SI: variants seen among roughly 807,000 people sequenced by gnomAD.
The protein encoded by SI is sucrase-isomaltase, intestinal.
In SI, 235 loss-of-function variants were observed where a neutral mutation model predicts 253.3. The observed-to-expected ratio is 0.93, with a 90% CI of 0.83 to 1.03. The LOEUF (loss-of-function observed/expected upper bound fraction) is 1.03, where lower values mean the gene tolerates loss of function less well. Ranked by LOEUF, SI falls within the 50% of genes least tolerant of loss-of-function variation. The pLI is 0.00. For missense variants in SI, 2,442 were observed against 2,211.1 expected (o/e 1.10, Z -2.09); for synonymous variants, 819 against 712.0 (o/e 1.15, Z -2.39).
Position 165,040,986 on chromosome 3 carries a change from T to C in SI, c.2113A>G (p.Lys705Glu). 6.2e-7 allele frequency: 1 copy of C among 1,612,514 alleles called. No homozygotes were observed. The highest frequency in any genetic ancestry group is 8.5e-7 in the Non-Finnish European group (1 of 1,178,876). ...LLPFLYTLFY[K>E]AHVFGETVAR... ...ACTGTTTCTCCAAACACATGGGCTT[T>C]ATAAAACAGAGTGTAGAGGAAGGGT... Residue 705 changes from lysine (K) to glutamate (E), a missense_variant, in exon 18 of 48, where the codon AAA (lysine) becomes GAA (glutamate). Transcript: ENST00000264382.
chr3:165,021,646 C>G (rs1191112003), intron 26 of SI, among the ~76,000 whole-genome samples: 1 of 151,362 alleles, frequency 6.6e-6, no homozygotes, highest in African/African-American at 2.4e-5. Flanking sequence ...GAAATCAAAA[C>G]AAAAATTTTA....
rs1718663553 is a variant in SI, at chr3:165,009,378, T to C, written c.4080A>G (p.Val1360=). ...DEAVNASRAH[V]AFPDFFRTST... is the part of the protein sequence containing the mutation. Reference sequence around the variant, plus strand: ...AAGTCCTGAAGAAATCTGGGAAAGCTACATGAGCTCTGGAAGCCTGTAAAA... The same window carrying C: ...AAGTCCTGAAGAAATCTGGGAAAGCCACATGAGCTCTGGAAGCCTGTAAAA... The change falls in exon 35 of 48, where the codon GTA becomes GTG. Residue 1360 remains valine, a synonymous_variant. Transcript: ENST00000264382. 1.2e-6 allele frequency: 2 copies of C among 1,613,140 alleles called. No homozygotes were observed. The highest frequency in any genetic ancestry group is 1.7e-6 in the Non-Finnish European group (2 of 1,179,212).
chr3:165,033,191 C>A (rs1445040385), intron 23 of SI, among the ~76,000 whole-genome samples: 1 of 151,430 alleles, frequency 6.6e-6, no homozygotes, highest in Non-Finnish European at 1.5e-5. Flanking sequence ...TACATGGTCA[C>A]AAACTTTATA....
Position 165,023,690 on chromosome 3 carries a change from C to T in SI, c.2979G>A (p.Met993Ile). ...TTAGTTGGAGGTCAGCTGTTATACC[C>T]ATGGATGAATAGCGAGCTGAGTTGA... ...YSVNSARYSS[M>I]GITADLQLNT... The change falls in exon 26 of 48, where the codon ATG (methionine) becomes ATA (isoleucine). Residue 993 changes from methionine to isoleucine, a missense_variant. By Grantham distance (10) the Met-to-Ile change is conservative (BLOSUM62 1). Transcript: ENST00000264382. 1 of 1,610,670 alleles carries T rather than the reference C, an allele frequency of 6.2e-7. No individual in the cohort carries two copies. The highest frequency in any genetic ancestry group is 8.5e-7 in the Non-Finnish European group (1 of 1,177,800).
At chr3:165,029,925 C>T (rs144181709) in intron 25 of SI, among the ~76,000 whole-genome samples, 24 of 150,488 alleles carry the variant, frequency 1.6e-4, no homozygotes, top group South Asian at 1.0e-3. Flanking sequence ...CTATTCTTCA[C>T]TAGTGATACA....
intron 18 of SI, 140 bp downstream of exon 18, chr3:165,040,800 C>T (rs1712777946): frequency 6.1e-6 from 4 of 651,768 alleles, no homozygotes; most frequent in Non-Finnish European, 5.4e-6. Flanking sequence ...CATTATATAG[C>T]TCTTCAAATC....
rs2108258523 is a variant in SI at position 165,065,347 on chromosome 3, T to C, written c.721A>G (p.Ile241Val). Residue 241 changes from isoleucine (I) to valine (V), a missense_variant, in exon 7 of 48, where the codon ATT (isoleucine) becomes GTT (valine). Transcript: ENST00000264382. ...AATCTCTTATGAACTTGTTCTCCAATACCATAAATATAATCACTTGGAAGA... is the reference window on the plus strand; with the variant it reads ...AATCTCTTATGAACTTGTTCTCCAACACCATAAATATAATCACTTGGAAGA... ...TRLPSDYIYG[I>V]GEQVHKRFRH... The C allele has an allele frequency of 6.3e-7, 1 of 1,596,520 alleles. No individual in the cohort carries two copies. The highest frequency in any genetic ancestry group is 2.3e-5 in the East Asian group (1 of 44,430).
chr3:165,002,467 A>G lies in SI; in HGVS notation c.4407-3794T>C, dbSNP rs539568270. Among the ~76,000 whole-genome samples the G allele has an allele frequency of 7.2e-5, 11 of 151,866 alleles. No homozygotes were observed. The South Asian group carries it at 2.1e-3, about 29-fold the overall frequency. On this transcript the variant is annotated intron_variant, in intron 37 of 47. Transcript: ENST00000264382. ...CGTTGCTTCTTGTTTGTTTCATGTT[A>G]AGTGAAAGAACACAGTAGCAAGAAA...
Position 164,991,470 on chromosome 3 carries a change from T to C in SI, c.4991A>G (p.Asp1664Gly). Residue 1664 changes from aspartate to glycine, a missense_variant, in exon 44 of 48, where the codon GAT becomes GGT. Physicochemically the swap from Asp to Gly is moderately conservative, Grantham distance 94 (BLOSUM62 -1). Transcript: ENST00000264382. ...ARWFDYHTGK[D>G]IGVRGQFQTF... ...TTGAAATTGTCCTCTGACGCCAATA[T>C]CTTTGCCCTGGAAATGAAAGGGATG... is the stretch of plus-strand genomic sequence containing the variant. 2 of 1,613,588 alleles carry C rather than the reference T, an allele frequency of 1.2e-6. No individual in the cohort carries two copies. Among genetic ancestry groups the C allele is most frequent in the Non-Finnish European group, 1.7e-6 (2 of 1,179,692 alleles).
At chr3:165,020,943 A>G (rs964084366) in intron 27 of SI, among the ~76,000 whole-genome samples, 1 of 151,608 alleles carries the variant, frequency 6.6e-6, no homozygotes, top group Admixed American at 6.6e-5. Flanking sequence ...ATGCTTTTTA[A>G]AAGAGGTTTT....
At chr3:165,046,022 G>T (rs1007474134) in intron 16 of SI, among the ~76,000 whole-genome samples, 1 of 151,424 alleles carries the variant, frequency 6.6e-6, no homozygotes, top group Non-Finnish European at 1.5e-5. Context: ...GTAGAGACAG[G>T]GTTTCACCAT....
At chr3:165,058,365 A>G (rs1418066850) in intron 12 of SI, among the ~76,000 whole-genome samples, 2 of 151,920 alleles carry the variant, frequency 1.3e-5, no homozygotes, top group East Asian at 1.9e-4. Flanking sequence ...CAACCTAATC[A>G]TATGTCTTAA....
Position 165,047,079 on chromosome 3 carries a change from A to G in SI, c.1716-67T>C, listed in dbSNP as rs146566968. 4.1e-4 allele frequency: 525 copies of G among 1,270,740 alleles called. 1 individual carries two copies. The African/African-American group carries it at 7.0e-3, about 17-fold the overall frequency. The allele number at this position is 1,270,740 out of a possible 1,614,324, so 78.7% of individuals were successfully genotyped here. A position where few individuals can be genotyped will look rare whatever the true frequency, so the allele number is the denominator to read the frequency against. On this transcript the variant is annotated intron_variant, in intron 15 of 47. Transcript: ENST00000264382. ...AAATAAAGTTGGTATTTAAATTCTA[A>G]AATTTCATAATTCCAAAGCCATGTG... is the stretch of plus-strand genomic sequence containing the variant.
In SI at chr3:165,059,271, A is replaced by G. The variant is rs756770749; in HGVS notation, c.1175T>C (p.Met392Thr). Residue 392 changes from methionine to threonine, a missense_variant, in exon 11 of 48, where the codon ATG becomes ACG. By Grantham distance (81) the Met-to-Thr change is moderately conservative. Coordinates refer to ENST00000264382, the MANE Select transcript of SI (RefSeq NM_001041.4). Reference sequence around the variant, plus strand: ...ATAAGTAAAGTCTTTCTTGTCTTCCATGTAGTCAATATCAGTGACCTGTGT... The same window carrying G: ...ATAAGTAAAGTCTTTCTTGTCTTCCGTGTAGTCAATATCAGTGACCTGTGT... ...FDTQVTDIDY[M>T]EDKKDFTYDQ... The G allele has an allele frequency of 1.9e-6, 3 of 1,612,642 alleles. No individual in the cohort carries two copies. Among genetic ancestry groups the G allele is most frequent in the South Asian group, 1.1e-5 (1 of 91,074 alleles).
chr3:165,001,463 G>A lies in SI; in HGVS notation c.4407-2790C>T, dbSNP rs550577043. 1.5e-4 allele frequency among the ~76,000 whole-genome samples: 22 copies of A among 151,466 alleles called. No individual in the cohort carries two copies. In the South Asian group the frequency reaches 3.3e-3, roughly 23 times the overall value. ...TAATATCTGTTTTAATTTTGAAATT[G>A]GATAAGTATTTTGTAGGCTAAAATA... On this transcript the variant is annotated intron_variant, in intron 37 of 47. Transcript: ENST00000264382.
intron 38 of SI, among the ~76,000 whole-genome samples, chr3:164,997,741 A>G (rs1321021219): frequency 1.3e-5 from 2 of 151,550 alleles, no homozygotes; most frequent in East Asian, 3.9e-4. Flanking sequence ...AATATGTGGT[A>G]TTTTGTTTTC....
At chr3:165,054,106 G>A (rs1464036016) in intron 13 of SI, among the ~76,000 whole-genome samples, 1 of 152,002 alleles carries the variant, frequency 6.6e-6, no homozygotes, top group Non-Finnish European at 1.5e-5. Context: ...GATACATGGT[G>A]CAAAATAAAT....
chr3:164,998,470 C>G (rs1718117076), intron 38 of SI, 70 bp downstream of exon 38: 3 of 1,505,682 alleles, frequency 2.0e-6, no homozygotes, highest in Non-Finnish European at 2.8e-6. Context: ...ATGTTATGAC[C>G]TAGCACCAGC....
the SI span, among the ~76,000 whole-genome samples, chr3:165,084,902 G>A: frequency 6.6e-6 from 1 of 152,000 alleles, no homozygotes; most frequent in African/African-American, 2.4e-5. Flanking sequence ...ATAAAGTGAG[G>A]CAACTCTGAA....
Sources: gnomAD v4.1 joint callset for allele counts (sites outside exome capture counted in the v4.1 genomes callset) on GRCh38, gnomAD v4.1.1 for gene constraint, MANE v1.5 for transcripts, NCBI Gene and HGNC (gene_info 2026-07-23, HGNC 2026-07-21) for gene names.